The following CCDC171 variants were observed in gnomAD, a reference collection of about 807,000 sequenced individuals.
CCDC171 encodes the protein coiled-coil domain-containing protein 171.
Under a neutral mutation model 168.2 loss-of-function variants are expected in CCDC171, and 177 were observed. The ratio of observed to expected loss-of-function variants is 1.05; its 90% confidence interval spans 0.93 to 1.19. The LOEUF (loss-of-function observed/expected upper bound fraction) is 1.19, where lower values mean the gene tolerates loss of function less well. Among genes scored for constraint, CCDC171 ranks in the 50% most tolerant of loss-of-function variants. The pLI, the probability that CCDC171 is intolerant of heterozygous loss-of-function variation, is 0.00. For synonymous variants in CCDC171, 687 were observed against 540.8 expected (o/e 1.27, Z -3.75); for missense variants, 1,991 against 1,539.0 (o/e 1.29, Z -4.91).
the CCDC171 span, among the ~76,000 whole-genome samples, chr9:16,076,113 A>G: frequency 3.9e-5 from 6 of 152,208 alleles, no homozygotes; most frequent in Non-Finnish European, 8.8e-5. Flanking sequence ...GCTCTGGGCC[A>G]GTCAGCTAGT....
chr9:15,709,183 G>A (rs550343974), intron 11 of CCDC171, among the ~76,000 whole-genome samples: 2 of 152,090 alleles, frequency 1.3e-5, no homozygotes, highest in South Asian at 4.2e-4. Flanking sequence ...AGAATAGGCT[G>A]AAATAGAAAA....
intron 7 of CCDC171, among the ~76,000 whole-genome samples, chr9:15,656,346 A>G (rs886580915): frequency 1.3e-5 from 2 of 151,880 alleles, no homozygotes; most frequent in Non-Finnish European, 2.9e-5. Context: ...ACAAATCAAT[A>G]TGTACCTGTC....
At chr9:16,107,829 G>C in the CCDC171 span, among the ~76,000 whole-genome samples, 3 of 152,202 alleles carry the variant, frequency 2.0e-5, no homozygotes, top group African/African-American at 4.8e-5. Flanking sequence ...CATTTTCGGA[G>C]ACTGAGTATC....
chr9:15,865,874 GTGTA>G (rs2061761960), intron 23 of CCDC171, among the ~76,000 whole-genome samples: 1 of 132,912 alleles, frequency 7.5e-6, no homozygotes, highest in South Asian at 2.5e-4. Context: ...GTGTGTGTGT[GTGTA>G]TCACAGTTCT....
At chr9:15,664,588 A>ACACACACACACACACACACT (rs1368494841) in intron 8 of CCDC171, among the ~76,000 whole-genome samples, 10 of 150,204 alleles carry the variant, frequency 6.7e-5, no homozygotes, top group South Asian at 4.2e-4. Context: ...ACACACACAC[A>ACACACACACACACACACACT]CTCACACGAG....
At chr9:15,864,581 G>A (rs918733441) in intron 23 of CCDC171, among the ~76,000 whole-genome samples, 15 of 151,962 alleles carry the variant, frequency 9.9e-5, no homozygotes, top group African/African-American at 2.7e-4. Flanking sequence ...TTGTCCTTGC[G>A]ATAGTTTAAT....
intron 7 of CCDC171, among the ~76,000 whole-genome samples, chr9:15,624,832 ATGG>A (rs1564076108): frequency 6.6e-6 from 1 of 152,200 alleles, no homozygotes; most frequent in East Asian, 1.9e-4. Flanking sequence ...ATGCCCAGTA[ATGG>A]GATCACTGGG....
chr9:15,656,187 C>T (rs190183701), intron 7 of CCDC171, among the ~76,000 whole-genome samples: 1 of 151,968 alleles, frequency 6.6e-6, no homozygotes, highest in East Asian at 1.9e-4. Context: ...GGCGTGGTGG[C>T]CGGTACGTGT....
chr9:15,632,715 T>A (rs193068535), intron 7 of CCDC171, among the ~76,000 whole-genome samples: 1,743 of 152,234 alleles, frequency 0.011, 45 homozygotes, highest in African/African-American at 0.039. Flanking sequence ...CATCGCCAAG[T>A]CAATCCTAAG....
At chr9:15,587,853 G>C (rs2041684173) in intron 4 of CCDC171, among the ~76,000 whole-genome samples, 1 of 152,178 alleles carries the variant, frequency 6.6e-6, no homozygotes, top group African/African-American at 2.4e-5. Flanking sequence ...ACATTTAAAA[G>C]AAGTAGCATT....
chr9:15,874,956 A>AG (rs1817652037), intron 24 of CCDC171: 1 of 187,824 alleles, frequency 5.3e-6, no homozygotes, highest in Admixed American at 6.1e-5. Flanking sequence ...AGCAGAGGAC[A>AG]ATAAGACACT....
At chr9:16,100,856 G>C in the CCDC171 span, among the ~76,000 whole-genome samples, 1 of 152,168 alleles carries the variant, frequency 6.6e-6, no homozygotes, top group Non-Finnish European at 1.5e-5. Context: ...ATGGGAGGGG[G>C]CCTGGGGTGG....
At chr9:16,020,160 T>G (rs1396752873) in intron 3 of CCDC171, among the ~76,000 whole-genome samples, 1 of 152,200 alleles carries the variant, frequency 6.6e-6, no homozygotes, top group Non-Finnish European at 1.5e-5. Flanking sequence ...GAAAATTCCA[T>G]ACATAACACC....
At chr9:15,652,007 A>G (rs988601306) in intron 7 of CCDC171, among the ~76,000 whole-genome samples, 12 of 152,048 alleles carry the variant, frequency 7.9e-5, no homozygotes, top group Non-Finnish European at 1.3e-4. Context: ...TCCTGGGCCC[A>G]AGCCGTCCTT....
rs528361449 is a variant in CCDC171 at position 16,002,626 on chromosome 9, A to G, written n.369-17963A>G. ...TTGAAGAAAGAAAAGTATTTTTATAAATTTATTGTAGCTAAGTGTACAGTG... is the reference window on the plus strand; with the variant it reads ...TTGAAGAAAGAAAAGTATTTTTATAGATTTATTGTAGCTAAGTGTACAGTG... On this transcript the variant is annotated intron_variant and non_coding_transcript_variant, in intron 3 of 9. Coordinates refer to the CCDC171 transcript ENST00000486641. 1.7e-4 allele frequency among the ~76,000 whole-genome samples: 26 copies of G among 152,286 alleles called. 1 individual carries two copies. The highest frequency in any genetic ancestry group is 5.5e-4 in the African/African-American group (23 of 41,552).
intron 3 of CCDC171, among the ~76,000 whole-genome samples, chr9:15,993,468 G>T (rs12004673): frequency 0.076 from 11,614 of 151,958 alleles, 1,457 homozygotes; most frequent in African/African-American, 0.27. Context: ...GACTTAAATG[G>T]TAGGCCTAAA....
intron 7 of CCDC171, among the ~76,000 whole-genome samples, chr9:15,634,365 A>G (rs1180335449): frequency 6.6e-6 from 1 of 152,096 alleles, no homozygotes; most frequent in Non-Finnish European, 1.5e-5. Context: ...GATATCTGCT[A>G]GTTTCAGGTT....
intron 23 of CCDC171, among the ~76,000 whole-genome samples, chr9:15,867,368 A>G (rs1335690554): frequency 1.3e-5 from 2 of 152,076 alleles, no homozygotes; most frequent in Non-Finnish European, 2.9e-5. Flanking sequence ...TTTTTAATTT[A>G]TGAAACTGAC....
At chr9:15,623,018 A>T (rs192748186) in intron 6 of CCDC171, among the ~76,000 whole-genome samples, 4 of 152,362 alleles carry the variant, frequency 2.6e-5, no homozygotes, top group African/African-American at 7.2e-5. Context: ...TAACTTTCTC[A>T]TATGCTATAA....
Sources: allele counts gnomAD v4.1 joint callset (sites outside exome capture counted in the v4.1 genomes callset), GRCh38; gene constraint gnomAD v4.1.1; transcripts MANE v1.5; gene names NCBI Gene and HGNC (gene_info 2026-07-23, HGNC 2026-07-21).